B3GALT1: variants seen among roughly 807,000 people sequenced by gnomAD.
B3GALT1 encodes beta-1,3-galactosyltransferase 1.
B3GALT1 carries 10 observed loss-of-function variants against 23.2 expected under a neutral mutation model. The ratio of observed to expected loss-of-function variants is 0.43; its 90% confidence interval spans 0.27 to 0.73. The LOEUF (loss-of-function observed/expected upper bound fraction) is 0.73, where lower values mean the gene tolerates loss of function less well. Ranked by LOEUF, B3GALT1 falls within the 30% of genes least tolerant of loss-of-function variation. The probability of loss-of-function intolerance (pLI) is 0.21; values close to 1 mark genes in which losing one functional copy is unlikely to be tolerated. For missense variants in B3GALT1, 299 were observed against 405.4 expected (o/e 0.74, Z 2.25); for synonymous variants, 156 against 141.5 (o/e 1.10, Z -0.73).
chr2:167,826,101 A>G (rs1689218483), intron 4 of B3GALT1, among the ~76,000 whole-genome samples: 1 of 152,174 alleles, frequency 6.6e-6, no homozygotes, highest in African/African-American at 2.4e-5. Context: ...TGAGAAGAGT[A>G]GCAGACCCTC....
intron 1 of B3GALT1, among the ~76,000 whole-genome samples, chr2:167,435,416 T>C (rs1698766769): frequency 8.6e-6 from 1 of 116,016 alleles, no homozygotes; most frequent in African/African-American, 3.3e-5. Flanking sequence ...TTAGCGTGCT[T>C]TAGAAACATA....
chr2:167,564,216 T>A (rs1220463142), intron 2 of B3GALT1, among the ~76,000 whole-genome samples: 1 of 146,714 alleles, frequency 6.8e-6, no homozygotes, highest in East Asian at 2.1e-4. Context: ...GCTCCTCACA[T>A]CCCGGACGGG....
chr2:167,610,923 A>AAC (rs1685052714), intron 2 of B3GALT1, among the ~76,000 whole-genome samples: 1 of 150,406 alleles, frequency 6.6e-6, no homozygotes, highest in Non-Finnish European at 1.5e-5. Context: ...AAAAAAAAAA[A>AAC]AAAAGAGAGA....
chr2:167,668,840 C>T (rs1301323851), intron 3 of B3GALT1, among the ~76,000 whole-genome samples: 3 of 152,174 alleles, frequency 2.0e-5, no homozygotes, highest in East Asian at 3.9e-4. Context: ...TGACCTGCGC[C>T]CACTGTCTGG....
intron 4 of B3GALT1, among the ~76,000 whole-genome samples, chr2:167,832,964 T>C (rs1259325128): frequency 1.3e-5 from 2 of 152,196 alleles, no homozygotes; most frequent in Non-Finnish European, 2.9e-5. Flanking sequence ...GGGCCATTAG[T>C]CAGTTTGCTA....
chr2:167,434,679 T>C (rs148853212), intron 1 of B3GALT1, among the ~76,000 whole-genome samples: 99 of 151,956 alleles, frequency 6.5e-4, no homozygotes, highest in African/African-American at 2.2e-3. Context: ...TTAGTTGATA[T>C]GTCTCTAAAG....
rs1574084369 is a variant in B3GALT1 at position 167,450,390 on chromosome 2, A to C, written c.-510-39787A>C. 1.3e-5 allele frequency among the ~76,000 whole-genome samples: 2 copies of C among 152,098 alleles called. 1 individual carries two copies. Among genetic ancestry groups the C allele is most frequent in the Admixed American group, 1.3e-4 (2 of 15,272 alleles). On this transcript the variant is annotated intron_variant, in intron 1 of 4. Coordinates refer to ENST00000392690, the MANE Select transcript of B3GALT1 (RefSeq NM_020981.4). ...TCTAGTTTATACATGTAGAGATCTA[A>C]TAGTAGCCTTGAATGATCTTTGGTT...
chr2:167,364,128 C>T (rs984370062), intron 1 of B3GALT1, among the ~76,000 whole-genome samples: 6 of 135,196 alleles, frequency 4.4e-5, no homozygotes, highest in African/African-American at 1.6e-4. Context: ...TGTGCCACTG[C>T]ACTCCAGCCT....
chr2:167,366,591 G>A (rs1463438764), intron 1 of B3GALT1, among the ~76,000 whole-genome samples: 1 of 152,106 alleles, frequency 6.6e-6, no homozygotes, highest in Non-Finnish European at 1.5e-5. Flanking sequence ...CAATGTTTCA[G>A]TTGTCTGTTA....
intron 3 of B3GALT1, among the ~76,000 whole-genome samples, chr2:167,804,017 A>G (rs955849009): frequency 1.3e-5 from 2 of 152,148 alleles, no homozygotes; most frequent in African/African-American, 2.4e-5. Flanking sequence ...GTCTTTTGAG[A>G]TGGAGTCTCA....
chr2:167,313,525 A>T (rs1696664601), intron 1 of B3GALT1, among the ~76,000 whole-genome samples: 1 of 152,092 alleles, frequency 6.6e-6, no homozygotes, highest in Non-Finnish European at 1.5e-5. Context: ...GATTCTACAG[A>T]CCCTAGTTCT....
chr2:167,565,046 C>T (rs1315020324), intron 2 of B3GALT1, among the ~76,000 whole-genome samples: 1 of 152,140 alleles, frequency 6.6e-6, no homozygotes, highest in African/African-American at 2.4e-5. Context: ...CCCGCATTGC[C>T]AAGTCAATCC....
intron 4 of B3GALT1, among the ~76,000 whole-genome samples, chr2:167,838,059 C>T (rs2105392224): frequency 6.8e-6 from 1 of 148,048 alleles, no homozygotes; most frequent in East Asian, 2.0e-4. Context: ...CACTAAATGC[C>T]CACAAGAGAA....
intron 1 of B3GALT1, among the ~76,000 whole-genome samples, chr2:167,484,437 C>G (rs904060845): frequency 5.3e-5 from 8 of 152,208 alleles, no homozygotes; most frequent in African/African-American, 1.9e-4. Flanking sequence ...TTTACACATT[C>G]TAGTGGGACA....
intron 1 of B3GALT1, among the ~76,000 whole-genome samples, chr2:167,449,538 A>T (rs1699054885): frequency 6.6e-6 from 1 of 152,206 alleles, no homozygotes; most frequent in Non-Finnish European, 1.5e-5. Context: ...TATCATCAGC[A>T]AACAGCAGCA....
chr2:167,373,958 CA>C (rs912094042), intron 1 of B3GALT1, among the ~76,000 whole-genome samples: 61 of 152,240 alleles, frequency 4.0e-4, no homozygotes, highest in African/African-American at 1.3e-3. Flanking sequence ...TCCCGTCACC[CA>C]GATACTGAAC....
At chr2:167,397,510 C>T (rs1369286815) in intron 1 of B3GALT1, among the ~76,000 whole-genome samples, 1 of 152,100 alleles carries the variant, frequency 6.6e-6, no homozygotes, top group Admixed American at 6.6e-5. Context: ...TCTGTTCTCA[C>T]TGGCCCTCTA....
At chr2:167,792,489 T>C (rs1688453877) in intron 3 of B3GALT1, among the ~76,000 whole-genome samples, 1 of 152,208 alleles carries the variant, frequency 6.6e-6, no homozygotes, top group Non-Finnish European at 1.5e-5. Flanking sequence ...TTGACCAGAA[T>C]GGGTCAGCAG....
intron 2 of B3GALT1, among the ~76,000 whole-genome samples, chr2:167,607,541 G>A (rs926249800): frequency 1.3e-5 from 2 of 152,048 alleles, no homozygotes; most frequent in Non-Finnish European, 2.9e-5. Flanking sequence ...GTGTGCACAG[G>A]TGCACACACG....
Sources: gnomAD v4.1 joint callset for allele counts (sites outside exome capture counted in the v4.1 genomes callset) on GRCh38, gnomAD v4.1.1 for gene constraint, MANE v1.5 for transcripts, NCBI Gene and HGNC (gene_info 2026-07-23, HGNC 2026-07-21) for gene names.